CLPX: variants seen among roughly 807,000 people sequenced by gnomAD.
CLPX encodes the protein caseinolytic mitochondrial matrix peptidase chaperone subunit X.
In CLPX, 34 loss-of-function variants were observed where a neutral mutation model predicts 76.4. The ratio of observed to expected loss-of-function variants is 0.45; its 90% CI spans 0.34 to 0.59. The LOEUF is 0.59. Among genes scored for constraint, CLPX ranks in the 20% least tolerant of loss-of-function variants. The pLI is 0.01. For synonymous variants in CLPX, 248 were observed against 270.9 expected (o/e 0.92, Z 0.83); for missense variants, 613 against 757.0 (o/e 0.81, Z 2.23).
In CLPX at chr15:65,184,037, A is replaced by T. The variant is rs2088218118; in HGVS notation, c.79+1038T>A. Among the ~76,000 whole-genome samples, 2 of 152,166 alleles carry T rather than the reference A, an allele frequency of 1.3e-5. 1 individual carries two copies. Among genetic ancestry groups the T allele is most frequent in the Admixed American group, 1.3e-4 (2 of 15,272 alleles). Reference sequence around the variant, plus strand: ...TTTACAAAATGCTTCTGCCCACGTTACCTCATTCAATCCTTCCTTCTGTAG... The same window carrying T: ...TTTACAAAATGCTTCTGCCCACGTTTCCTCATTCAATCCTTCCTTCTGTAG... On this transcript the variant is annotated intron_variant, in intron 1 of 13. Coordinates refer to ENST00000300107, the MANE Select transcript of CLPX (RefSeq NM_006660.5).
Position 65,164,161 on chromosome 15 carries a change from C to T in CLPX, c.541G>A (p.Val181Ile), listed in dbSNP as rs1351138236. Residue 181 changes from valine to isoleucine, a missense_variant, in exon 5 of 14, where the codon GTT (valine) becomes ATT (isoleucine). Transcript: ENST00000300107. ...KIYNYLDKYV[V>I]GQSFAKKVLS... The stretch of plus-strand genomic sequence containing the variant: ...ACCTTCTTAGCAAATGACTGGCCAA[C>T]AACATACTTGTCGAGGTAGTTATAA... The T allele has an allele frequency of 6.2e-7, 1 of 1,611,152 alleles. No individual in the cohort carries two copies. The highest frequency in any genetic ancestry group is 1.1e-5 in the South Asian group (1 of 90,486).
At chr15:65,177,780 A>G (rs2088108368) in intron 3 of CLPX, among the ~76,000 whole-genome samples, 2 of 152,126 alleles carry the variant, frequency 1.3e-5, no homozygotes, top group Non-Finnish European at 2.9e-5. Flanking sequence ...ACTAACAGCA[A>G]AAGTAGGATA....
At chr15:65,180,353 G>C in intron 1 of CLPX, 149 bp from the exon 2 acceptor site, 1 of 515,138 alleles carries the variant, frequency 1.9e-6, no homozygotes, top group Non-Finnish European at 3.3e-6. Flanking sequence ...CACCAACGGA[G>C]GCAAAGTCCT....
In CLPX at chr15:65,156,875, A is replaced by C; in HGVS notation, c.1115T>G (p.Leu372Ter). 6.2e-7 allele frequency: 1 copy of C among 1,613,594 alleles called. No individual in the cohort carries two copies. The highest frequency in any genetic ancestry group is 8.5e-7 in the Non-Finnish European group (1 of 1,179,726). The change falls in exon 9 of 14, where the codon TTA becomes TGA. Residue 372 changes from leucine (L) to a stop codon, truncating the protein, a stop_gained. Coordinates refer to ENST00000300107, the MANE Select transcript of CLPX (RefSeq NM_006660.5). LOFTEE classifies it high-confidence loss of function. ...AACGCCTTCTCCACCTACATCCCGT[A>C]ATTGATGAATGCCTGGCACACTGCC... is the stretch of plus-strand genomic sequence containing the variant. ...KIGSVPGIHQLRDVGGEGVQQ... is the reference protein window; with the variant it reads ...KIGSVPGIHQ
At chr15:65,160,639 A>T (rs2087845505) in intron 6 of CLPX, among the ~76,000 whole-genome samples, 1 of 151,546 alleles carries the variant, frequency 6.6e-6, no homozygotes, top group Non-Finnish European at 1.5e-5. Context: ...ACACACACAC[A>T]CACACACACA....
chr15:65,164,234 G>C (rs2140627410), intron 4 of CLPX, 46 bp from the exon 5 acceptor site: 1 of 1,455,766 alleles, frequency 6.9e-7, no homozygotes, highest in Middle Eastern at 2.4e-4. Context: ...GCTATTATAA[G>C]AGCACACACA....
chr15:65,155,871 A>G lies in CLPX; in HGVS notation c.1147-15T>C. On this transcript the variant is annotated splice_polypyrimidine_tract_variant and intron_variant, in intron 9 of 13. Transcript: ENST00000300107. ...TTTAATAAGCCCTAAATAAAGAACAAATGATTTATAGCATCACCATATAAG... is the reference window on the plus strand; with the variant it reads ...TTTAATAAGCCCTAAATAAAGAACAGATGATTTATAGCATCACCATATAAG... The G allele has an allele frequency of 6.3e-7, 1 of 1,595,288 alleles. No individual in the cohort carries two copies.
At chr15:65,151,928 C>A (rs1334782498) in intron 13 of CLPX, among the ~76,000 whole-genome samples, 1 of 151,906 alleles carries the variant, frequency 6.6e-6, no homozygotes, top group Non-Finnish European at 1.5e-5. Context: ...AGCCCCATTG[C>A]CTTTTTTTAT....
chr15:65,159,801 ATT>A (rs1355060360), intron 6 of CLPX, among the ~76,000 whole-genome samples: 1 of 147,880 alleles, frequency 6.8e-6, no homozygotes, highest in Non-Finnish European at 1.5e-5. Context: ...TTATTTTTAC[ATT>A]TTCTTTTCTT....
intron 3 of CLPX, among the ~76,000 whole-genome samples, chr15:65,176,885 G>A (rs947284857): frequency 2.6e-5 from 4 of 151,620 alleles, no homozygotes; most frequent in African/African-American, 7.3e-5. Flanking sequence ...GTAAGCCACC[G>A]CGCCTGGCAA....
intron 3 of CLPX, among the ~76,000 whole-genome samples, chr15:65,167,515 T>A (rs547556519): frequency 8.5e-5 from 13 of 152,274 alleles, no homozygotes; most frequent in African/African-American, 2.6e-4. Flanking sequence ...ATACAAAAGT[T>A]GAAAGAGATA....
At chr15:65,182,014 C>G (rs1566988079) in intron 1 of CLPX, among the ~76,000 whole-genome samples, 1 of 150,396 alleles carries the variant, frequency 6.6e-6, no homozygotes, top group Non-Finnish European at 1.5e-5. Flanking sequence ...TCTCAGCTAC[C>G]CGGGATGCTG....
intron 4 of CLPX, among the ~76,000 whole-genome samples, chr15:65,166,145 G>A (rs550709179): frequency 6.0e-4 from 92 of 152,216 alleles, no homozygotes; most frequent in African/African-American, 2.0e-3. Flanking sequence ...AGTGCTATAC[G>A]GAGCAGCCCG....
Position 65,150,773 on chromosome 15 carries a change from C to T in CLPX, c.*50G>A. ...ATCAGACTGTAGAGACAATTATGAT[C>T]CTAAACAAAAGAAGGAAAAGCTGTA... is the stretch of plus-strand genomic sequence containing the variant. On this transcript the variant is annotated 3_prime_UTR_variant, in exon 14 of 14. Transcript: ENST00000300107. 7.7e-7 allele frequency: 1 copy of T among 1,296,054 alleles called. No individual in the cohort carries two copies. Among genetic ancestry groups the T allele is most frequent in the Admixed American group, 1.8e-5 (1 of 54,788 alleles). 80.3% of individuals were successfully genotyped at this position (1,296,054 alleles called of 1,614,324 possible).
intron 6 of CLPX, among the ~76,000 whole-genome samples, chr15:65,161,737 A>C (rs2087858424): frequency 6.6e-6 from 1 of 152,168 alleles, no homozygotes. Flanking sequence ...GTTATTATTT[A>C]GATTTTACAT....
chr15:65,155,638 T>G, intron 10 of CLPX, 54 bp downstream of exon 10: 2 of 1,411,516 alleles, frequency 1.4e-6, no homozygotes, highest in East Asian at 2.3e-5. Context: ...GGAAACTGAG[T>G]GTACATCCTT....
In CLPX at chr15:65,158,676, T is replaced by A; in HGVS notation, c.791A>T (p.Gln264Leu). Residue 264 changes from glutamine (Q) to leucine (L), a missense_variant, in exon 7 of 14, where the codon CAA becomes CTA. Around this residue, in one of 2 missense-constraint regions of CLPX, gnomAD observed 450 missense variants for 638.6 expected, o/e 0.70. Transcript: ENST00000300107. ...ACCTCCTCGTTTTTCCTGAGGTATTTGTTGATTTACCTGTTGCTGCATTGA... is the reference window on the plus strand; with the variant it reads ...ACCTCCTCGTTTTTCCTGAGGTATTAGTTGATTTACCTGTTGCTGCATTGA... The part of the protein sequence containing the change: ...GASMQQQVNQ[Q>L]IPQEKRGGEV... The A allele has an allele frequency of 1.9e-6, 3 of 1,613,974 alleles. No individual in the cohort carries two copies. The highest frequency in any genetic ancestry group is 2.5e-6 in the Non-Finnish European group (3 of 1,179,900).
intron 8 of CLPX, 81 bp downstream of exon 8, chr15:65,157,665 A>T: frequency 7.6e-7 from 1 of 1,312,538 alleles, no homozygotes; most frequent in Non-Finnish European, 1.0e-6. Flanking sequence ...CTTGACTCAA[A>T]ACAAGAATTA....
Position 65,180,198 on chromosome 15 carries a change from G to A in CLPX, c.86C>T (p.Ser29Phe). 6.3e-7 allele frequency: 1 copy of A among 1,582,918 alleles called. No homozygotes were observed. The highest frequency in any genetic ancestry group is 8.6e-7 in the Non-Finnish European group (1 of 1,165,380). ...SSLASAQRGI[S>F]GGRIHMSVLG... The stretch of plus-strand genomic sequence containing the variant: ...AACTGACATATGAATGCGACCACCA[G>A]AAATACCTGAAAATAAAAGGAAATC... Residue 29 changes from serine (S) to phenylalanine (F), a missense_variant, in exon 2 of 14, where the codon TCT (serine) becomes TTT (phenylalanine). Ser to Phe is a radical substitution (Grantham distance 155, BLOSUM62 -2). Coordinates refer to ENST00000300107, the MANE Select transcript of CLPX (RefSeq NM_006660.5).
Sources: gnomAD v4.1 joint callset for allele counts (sites outside exome capture counted in the v4.1 genomes callset) on GRCh38, gnomAD v4.1.1 for gene constraint, gnomAD v4.1.1 regional missense constraint, MANE v1.5 for transcripts, NCBI Gene and HGNC (gene_info 2026-07-23, HGNC 2026-07-21) for gene names.